Variants in LRRIQ1 observed in about 807,000 individuals in gnomAD.
LRRIQ1 encodes leucine-rich repeat- and IQ domain-containing protein 1.
Under a neutral mutation model 211.9 loss-of-function variants are expected in LRRIQ1, and 210 were observed. The observed-to-expected ratio is 0.99, with a 90% CI of 0.89 to 1.11. The LOEUF (loss-of-function observed/expected upper bound fraction) is 1.11, where lower values mean the gene tolerates loss of function less well. LRRIQ1 is among the 50% of genes most tolerant of loss of function. The pLI is 0.00. For missense variants in LRRIQ1, 2,136 were observed against 1,939.5 expected (o/e 1.10, Z -1.90); for synonymous variants, 699 against 650.1 (o/e 1.08, Z -1.14).
chr12:85,267,273 CTTAAT>C (rs1245691369), downstream of LRRIQ1, among the ~76,000 whole-genome samples: 2 of 151,850 alleles, frequency 1.3e-5, no homozygotes, highest in Admixed American at 6.6e-5. Context: ...AATTGGTAAA[CTTAAT>C]TTAATACTGT....
At chr12:85,208,672 A>G (rs1478577948) in intron 24 of LRRIQ1, among the ~76,000 whole-genome samples, 1 of 152,170 alleles carries the variant, frequency 6.6e-6, no homozygotes, top group Non-Finnish European at 1.5e-5. Flanking sequence ...TCTAAAAATG[A>G]AAACTATTAT....
Position 85,219,602 on chromosome 12 carries a change from C to T in LRRIQ1, c.4823-9915C>T, listed in dbSNP as rs147383018. The stretch of plus-strand genomic sequence containing the variant: ...TTTTCATTTTAGTTTTTTTTTCCCT[C>T]TCTGCCATAAAATATAGTGAAATAT... On this transcript the variant is annotated intron_variant, in intron 24 of 26. Coordinates refer to ENST00000393217, the MANE Select transcript of LRRIQ1 (RefSeq NM_001079910.2). Among the ~76,000 whole-genome samples the T allele has an allele frequency of 6.3e-3, 955 of 151,784 alleles. 7 individuals are homozygous for T. Among genetic ancestry groups the T allele is most frequent in the African/African-American group, 0.022 (920 of 41,440 alleles).
intron 24 of LRRIQ1, among the ~76,000 whole-genome samples, chr12:85,192,937 T>TATATATAAATATATAATTATATAATATA (rs1892652889): frequency 1.1e-5 from 1 of 92,912 alleles, no homozygotes; most frequent in Non-Finnish European, 1.9e-5. Flanking sequence ...ATAATATAAT[T>TATATATAAATATATAATTATATAATATA]ATATATAAAT....
chr12:85,236,855 A>ATATATATATATATATATC (rs1401058179), intron 26 of LRRIQ1, among the ~76,000 whole-genome samples: 1 of 144,728 alleles, frequency 6.9e-6, no homozygotes, highest in African/African-American at 2.6e-5. Flanking sequence ...ATATATATAT[A>ATATATATATATATATATC]TCTCCCAGAT....
At chr12:85,201,843 C>T (rs1337564173) in intron 24 of LRRIQ1, among the ~76,000 whole-genome samples, 11 of 151,778 alleles carry the variant, frequency 7.2e-5, no homozygotes, top group Non-Finnish European at 1.5e-4. Context: ...AGTTGGTTTT[C>T]TCTTGTTTCT....
chr12:85,131,695 G>A (rs1888776442), intron 18 of LRRIQ1, among the ~76,000 whole-genome samples: 1 of 152,120 alleles, frequency 6.6e-6, no homozygotes. Flanking sequence ...GGTGAGAGAT[G>A]TGTGCAGTTT....
At position 85,153,110 on chromosome 12, in the gene LRRIQ1, T is replaced by A; in HGVS notation, c.4506T>A (p.Asn1502Lys). Residue 1502 changes from asparagine to lysine, a missense_variant, in exon 21 of 27, where the codon AAT (asparagine) becomes AAA (lysine). Physicochemically the swap from Asn to Lys is moderately conservative, Grantham distance 94. Coordinates refer to ENST00000393217, the MANE Select transcript of LRRIQ1 (RefSeq NM_001079910.2). ...AQAWLCNDKE[N>K]LSSSEHTQFN... ...CATGGTTATGTAATGACAAAGAAAA[T>A]TTGTCTTCTTCAGAACACACACAAT... 6.3e-7 allele frequency: 1 copy of A among 1,588,740 alleles called. No individual in the cohort carries two copies. Among genetic ancestry groups the A allele is most frequent in the East Asian group, 2.3e-5 (1 of 43,508 alleles).
chr12:85,127,588 GA>G (rs1230513620), intron 17 of LRRIQ1, among the ~76,000 whole-genome samples: 2 of 152,084 alleles, frequency 1.3e-5, no homozygotes, highest in African/African-American at 4.8e-5. Flanking sequence ...CTCCTTAAAA[GA>G]AACAAATGAA....
At chr12:85,241,808 C>G (rs935815507) in intron 26 of LRRIQ1, among the ~76,000 whole-genome samples, 1 of 151,696 alleles carries the variant, frequency 6.6e-6, no homozygotes, top group Non-Finnish European at 1.5e-5. Flanking sequence ...AAAGACAATA[C>G]TTTTAAAATT....
At chr12:85,146,489 G>A (rs910025926) in intron 19 of LRRIQ1, among the ~76,000 whole-genome samples, 6 of 151,750 alleles carry the variant, frequency 4.0e-5, no homozygotes, top group Non-Finnish European at 8.8e-5. Context: ...TAAATTTAAG[G>A]TGCTTGCAGC....
At chr12:85,092,091 G>A (rs1037698457) in intron 11 of LRRIQ1, among the ~76,000 whole-genome samples, 10 of 152,142 alleles carry the variant, frequency 6.6e-5, no homozygotes, top group African/African-American at 1.7e-4. Context: ...CACTCCTTAC[G>A]ATAATCTGGG....
rs913879670 is a variant in LRRIQ1 at position 85,098,515 on chromosome 12, A to G, written c.3048A>G (p.Gln1016=). 8 of 1,609,608 alleles carry G rather than the reference A, an allele frequency of 5.0e-6. No homozygotes were observed. In the African/African-American group the frequency reaches 1.1e-4, roughly 22 times the overall value. ...GCGTTGAAAATTGTGGATTGCTCCA[A>G]ATATTGAAGTTACAGGGAAATTATC... ...VEGVENCGLL[Q]ILKLQGNYLS... Residue 1016 remains glutamine (Q), a synonymous_variant, in exon 12 of 27, where the codon CAA becomes CAG. Transcript: ENST00000393217.
At chr12:85,115,561 C>T (rs980026613) in intron 15 of LRRIQ1, among the ~76,000 whole-genome samples, 5 of 152,092 alleles carry the variant, frequency 3.3e-5, no homozygotes, top group Non-Finnish European at 7.4e-5. Context: ...GTATTCCTAA[C>T]GTAAAAATTC....
At chr12:85,131,185 C>G (rs567936903) in intron 18 of LRRIQ1, among the ~76,000 whole-genome samples, 1 of 151,752 alleles carries the variant, frequency 6.6e-6, no homozygotes, top group Non-Finnish European at 1.5e-5. Flanking sequence ...TGCACTCCAG[C>G]CTGGGCAACA....
At chr12:85,243,446 G>T (rs377289340) in intron 26 of LRRIQ1, among the ~76,000 whole-genome samples, 1 of 149,452 alleles carries the variant, frequency 6.7e-6, no homozygotes, top group Non-Finnish European at 1.5e-5. Flanking sequence ...TTCTACCGAG[G>T]TTTTTTGACA....
intron 24 of LRRIQ1, among the ~76,000 whole-genome samples, chr12:85,220,495 C>T (rs1894346762): frequency 6.6e-6 from 1 of 151,714 alleles, no homozygotes; most frequent in Non-Finnish European, 1.5e-5. Flanking sequence ...TTAAAAAGTA[C>T]TTCATTTCTT....
chr12:85,113,907 T>TTGTGTGTGTGTGTGTGTGTG (rs71076112), intron 15 of LRRIQ1, among the ~76,000 whole-genome samples: 79 of 140,964 alleles, frequency 5.6e-4, no homozygotes, highest in Middle Eastern at 3.6e-3. Context: ...CAAATGAGTT[T>TTGTGTGTGTGTGTGTGTGTG]TGTGTGTGTG....
chr12:85,069,503 G>A lies in LRRIQ1; in HGVS notation c.2695+2605G>A, dbSNP rs1214186976. On this transcript the variant is annotated intron_variant, in intron 10 of 26. Transcript: ENST00000393217. ...ACGGTATTTCTAGTTCTAGATCCCTGAGGAATCGCCACGCTGACTTCCACA... is the reference window on the plus strand; with the variant it reads ...ACGGTATTTCTAGTTCTAGATCCCTAAGGAATCGCCACGCTGACTTCCACA... Among the ~76,000 whole-genome samples, 8 of 152,148 alleles carry A rather than the reference G, an allele frequency of 5.3e-5. No homozygotes were observed. The East Asian group carries it at 1.6e-3, about 30-fold the overall frequency.
chr12:85,096,593 A>G (rs1885898081), intron 11 of LRRIQ1, among the ~76,000 whole-genome samples: 1 of 152,140 alleles, frequency 6.6e-6, no homozygotes, highest in African/African-American at 2.4e-5. Flanking sequence ...ATTTGACCTT[A>G]GCATATGTTC....
Sources: allele counts gnomAD v4.1 joint callset (sites outside exome capture counted in the v4.1 genomes callset), GRCh38; gene constraint gnomAD v4.1.1; transcripts MANE v1.5; gene names NCBI Gene and HGNC (gene_info 2026-07-23, HGNC 2026-07-21).